DAB2IP: variants seen among roughly 807,000 people sequenced by gnomAD.
The protein encoded by DAB2IP is DAB2 interacting protein, also known as disabled homolog 2-interacting protein.
A neutral mutation model predicts 107.2 loss-of-function variants in DAB2IP; 28 were observed. The observed-to-expected ratio is 0.26, with a 90% CI of 0.19 to 0.36. The LOEUF is 0.36. DAB2IP is among the 10% of genes least tolerant of loss of function. The pLI is 1.00. For synonymous variants in DAB2IP, 755 were observed against 706.4 expected, an observed-to-expected ratio of 1.07 and a Z score of -1.09; for missense variants, 1,400 against 1,644.7, an observed-to-expected ratio of 0.85 and a Z score of 2.57.
At chr9:121,648,444 G>A (rs1480296209), upstream of DAB2IP, among the ~76,000 whole-genome samples, 1 of 151,830 alleles carries the variant, frequency 6.6e-6, no homozygotes, top group African/African-American at 2.4e-5. Context: ...GAAATGGGTT[G>A]GGGTGCAAGC....
chr9:121,758,870 A>T (rs762560743), intron 4 of DAB2IP, 28 bp from the exon 5 acceptor site: 2 of 1,605,470 alleles, frequency 1.2e-6, no homozygotes, highest in African/African-American at 1.3e-5. Context: ...CCCTTCCCTC[A>T]TAACACTGTC....
intron 9 of DAB2IP, 30 bp downstream of exon 9, chr9:121,766,760 T>C (rs1480959965): frequency 1.2e-6 from 2 of 1,610,488 alleles, no homozygotes; most frequent in Non-Finnish European, 1.7e-6. Flanking sequence ...CCAGGCAGAG[T>C]TGGGCAGGGC....
chr9:121,603,716 A>G (rs760498482), intron 1 of DAB2IP, among the ~76,000 whole-genome samples: 46 of 152,262 alleles, frequency 3.0e-4, no homozygotes, highest in Middle Eastern at 3.4e-3. Context: ...GTCATCTCTT[A>G]AAACGTTAGG....
intron 12 of DAB2IP, among the ~76,000 whole-genome samples, 153 bp downstream of exon 12, chr9:121,773,648 C>G (rs1460897119): frequency 6.6e-6 from 1 of 152,194 alleles, no homozygotes; most frequent in Admixed American, 6.5e-5. Flanking sequence ...CCACCACCCC[C>G]TCCCCCTGGC....
At chr9:121,603,181 GTCTA>G (rs1278712578) in intron 1 of DAB2IP, among the ~76,000 whole-genome samples, 10 of 152,296 alleles carry the variant, frequency 6.6e-5, no homozygotes, top group Admixed American at 1.3e-4. Context: ...TCTGTTGTGC[GTCTA>G]TCTATGTTTT....
At chr9:121,763,703 T>TCACTCCC (rs745760994) in intron 7 of DAB2IP, 32 bp from the exon 8 acceptor site, 1 of 1,612,064 alleles carries the variant, frequency 6.2e-7, no homozygotes, top group Non-Finnish European at 8.5e-7. Flanking sequence ...CGCCAGGTCC[T>TCACTCCC]CACTCCCCAC....
At chr9:121,748,419 A>G (rs2118923865) in intron 3 of DAB2IP, among the ~76,000 whole-genome samples, 1 of 152,260 alleles carries the variant, frequency 6.6e-6, no homozygotes, top group East Asian at 1.9e-4. Flanking sequence ...TCACTTCTGG[A>G]CCATGTGACC....
At chr9:121,771,129 T>G (rs896587062) in intron 11 of DAB2IP, among the ~76,000 whole-genome samples, 3 of 151,892 alleles carry the variant, frequency 2.0e-5, no homozygotes, top group African/African-American at 7.3e-5. Context: ...TCTCCAGAAG[T>G]GTTTAGTTGG....
intron 11 of DAB2IP, 55 bp downstream of exon 11, chr9:121,770,779 G>T: frequency 6.3e-7 from 1 of 1,584,510 alleles, no homozygotes; most frequent in Non-Finnish European, 8.6e-7. Flanking sequence ...ACTAGGCACA[G>T]CCCATCTGTA....
At chr9:121,632,698 C>T (rs1014349457) in intron 1 of DAB2IP, among the ~76,000 whole-genome samples, 1 of 152,174 alleles carries the variant, frequency 6.6e-6, no homozygotes, top group Non-Finnish European at 1.5e-5. Context: ...TTCCCAGGGT[C>T]GGGAAGGTGC....
At chr9:121,571,801 A>T (rs1284353844) in intron 1 of DAB2IP, among the ~76,000 whole-genome samples, 1 of 151,816 alleles carries the variant, frequency 6.6e-6, no homozygotes, top group Non-Finnish European at 1.5e-5. Flanking sequence ...AGCCCCTTAG[A>T]GCATGGCCAA....
At chr9:121,685,140 GC>G (rs934690964) in intron 2 of DAB2IP, among the ~76,000 whole-genome samples, 3 of 151,436 alleles carry the variant, frequency 2.0e-5, no homozygotes, top group East Asian at 2.0e-4. Context: ...TGCCCCCTCC[GC>G]CCCCTCCACC....
intron 1 of DAB2IP, among the ~76,000 whole-genome samples, chr9:121,591,464 T>C (rs552307499): frequency 6.6e-6 from 1 of 152,238 alleles, no homozygotes; most frequent in African/African-American, 2.4e-5. Context: ...AGTGAGACTC[T>C]GTTCTCCTGC....
intron 3 of DAB2IP, among the ~76,000 whole-genome samples, chr9:121,726,962 C>T (rs1331037467): frequency 2.0e-5 from 3 of 152,212 alleles, no homozygotes; most frequent in Non-Finnish European, 4.4e-5. Flanking sequence ...GTTCCCCACC[C>T]TGGAATGCTG....
chr9:121,587,399 G>A (rs1215029300), intron 1 of DAB2IP, among the ~76,000 whole-genome samples: 1 of 152,146 alleles, frequency 6.6e-6, no homozygotes, highest in Non-Finnish European at 1.5e-5. Context: ...CTTGAGCCCA[G>A]GAGTTCAAGA....
intron 1 of DAB2IP, among the ~76,000 whole-genome samples, chr9:121,594,162 G>T (rs1830477628): frequency 6.6e-6 from 1 of 152,078 alleles, no homozygotes; most frequent in Non-Finnish European, 1.5e-5. Context: ...CCCAGCAACA[G>T]GCTCAGAGGG....
chr9:121,626,119 G>A (rs938962822), intron 1 of DAB2IP, among the ~76,000 whole-genome samples: 2 of 152,156 alleles, frequency 1.3e-5, no homozygotes, highest in African/African-American at 2.4e-5. Context: ...AAGGCAAGAT[G>A]AGTGGCCCCA....
At chr9:121,629,241 G>A (rs973778080) in intron 1 of DAB2IP, among the ~76,000 whole-genome samples, 8 of 152,224 alleles carry the variant, frequency 5.3e-5, no homozygotes, top group African/African-American at 1.9e-4. Context: ...CATTGGACAG[G>A]TGAAGAGGCT....
At chr9:121,574,504 G>C (rs1334875234) in intron 1 of DAB2IP, among the ~76,000 whole-genome samples, 1 of 152,136 alleles carries the variant, frequency 6.6e-6, no homozygotes, top group Non-Finnish European at 1.5e-5. Context: ...ATTAGGCCAA[G>C]GATGCAGAGC....
Sources: allele counts gnomAD v4.1 joint callset (sites outside exome capture counted in the v4.1 genomes callset), GRCh38; gene constraint gnomAD v4.1.1; transcripts MANE v1.5; gene names NCBI Gene and HGNC (gene_info 2026-07-23, HGNC 2026-07-21).